The following LRRC66 variants were observed in gnomAD, a reference collection of about 807,000 sequenced individuals.
LRRC66 encodes leucine rich repeat containing 66.
Under a neutral mutation model 24.6 loss-of-function variants are expected in LRRC66, and 29 were observed. The ratio of observed to expected loss-of-function variants is 1.18; its 90% CI spans 0.88 to 1.61. The LOEUF (loss-of-function observed/expected upper bound fraction) is 1.61. Among genes scored for constraint, LRRC66 ranks in the 40% most tolerant of loss-of-function variants. The pLI is 0.00. For synonymous variants in LRRC66, 411 were observed against 397.6 expected, an observed-to-expected ratio of 1.03 and a Z score of -0.40; for missense variants, 1,124 against 1,058.0, an observed-to-expected ratio of 1.06 and a Z score of -0.87.
chr4:52,008,403 G>A (rs973001202), intron 2 of LRRC66, among the ~76,000 whole-genome samples: 19 of 151,778 alleles, frequency 1.3e-4, no homozygotes, highest in African/African-American at 4.6e-4. Context: ...CATCCATGGA[G>A]TTAAGGCACA....
At chr4:52,014,994 T>C (rs1261949457) in intron 2 of LRRC66, among the ~76,000 whole-genome samples, 1 of 152,212 alleles carries the variant, frequency 6.6e-6, no homozygotes, top group Non-Finnish European at 1.5e-5. Context: ...TGGATCTGTA[T>C]CTGCATTTAT....
At chr4:52,019,153 G>A (rs1736887417) in intron 1 of LRRC66, among the ~76,000 whole-genome samples, 1 of 152,178 alleles carries the variant, frequency 6.6e-6, no homozygotes, top group African/African-American at 2.4e-5. Context: ...GGGATTACAG[G>A]CGTGAGCCAC....
chr4:52,010,838 AGG>A (rs1736685115), intron 2 of LRRC66, among the ~76,000 whole-genome samples: 3 of 152,304 alleles, frequency 2.0e-5, no homozygotes, highest in Non-Finnish European at 4.4e-5. Flanking sequence ...TGGGCTTGCT[AGG>A]TCGAATTGTA....
chr4:52,012,245 T>C (rs1429544749), intron 2 of LRRC66, among the ~76,000 whole-genome samples: 4 of 151,604 alleles, frequency 2.6e-5, no homozygotes, highest in Non-Finnish European at 5.9e-5. Context: ...TACCCAAGCA[T>C]GTGGGGAGAG....
At chr4:52,004,148 G>A (rs1391003219) in intron 2 of LRRC66, among the ~76,000 whole-genome samples, 3 of 152,006 alleles carry the variant, frequency 2.0e-5, no homozygotes, top group South Asian at 2.1e-4. Flanking sequence ...GATTACAGGC[G>A]CCTGCCACCA....
chr4:51,997,546 A>C (rs1431380616), intron 4 of LRRC66, among the ~76,000 whole-genome samples: 9 of 152,244 alleles, frequency 5.9e-5, no homozygotes, highest in Non-Finnish European at 1.0e-4. Flanking sequence ...TTCTTTGACC[A>C]CATGAAGAAA....
chr4:52,015,592 C>T (rs752694122), intron 2 of LRRC66, among the ~76,000 whole-genome samples: 21 of 152,136 alleles, frequency 1.4e-4, no homozygotes, highest in Non-Finnish European at 2.6e-4. Flanking sequence ...GGCTCAGAAT[C>T]GGAAATTATG....
At chr4:52,014,986 G>A (rs186816329) in intron 2 of LRRC66, among the ~76,000 whole-genome samples, 1 of 152,254 alleles carries the variant, frequency 6.6e-6, no homozygotes, top group African/African-American at 2.4e-5. Context: ...AAAGAAGATG[G>A]ATCTGTATCT....
At chr4:52,013,724 C>T (rs1384740370) in intron 2 of LRRC66, among the ~76,000 whole-genome samples, 1 of 152,158 alleles carries the variant, frequency 6.6e-6, no homozygotes, top group Non-Finnish European at 1.5e-5. Context: ...TGATATCTCA[C>T]CCTTACACAA....
Position 52,003,341 on chromosome 4 carries a change from A to G in LRRC66, c.548T>C (p.Ile183Thr). Residue 183 changes from isoleucine to threonine, a missense_variant, in exon 3 of 5, where the codon ATA becomes ACA. Physicochemically the swap from Ile to Thr is moderately conservative, Grantham distance 89 (BLOSUM62 -1). Coordinates refer to ENST00000682860, the MANE Select transcript of LRRC66 (RefSeq NM_001024611.3). ...LQSLDLSFNG[I>T]LQIGWSDFHN... ...AAAATCAGACCACCCTATTTGCAAT[A>G]TCCCATTGAATGACAGATCCAAACT... 1 of 1,613,976 alleles carries G rather than the reference A, an allele frequency of 6.2e-7. No homozygotes were observed. Among genetic ancestry groups the G allele is most frequent in the Non-Finnish European group, 8.5e-7 (1 of 1,179,920 alleles).
intron 3 of LRRC66, among the ~76,000 whole-genome samples, chr4:52,000,989 T>A (rs1401515009): frequency 6.6e-6 from 1 of 152,248 alleles, no homozygotes; most frequent in African/African-American, 2.4e-5. Context: ...TCTATGTCCA[T>A]CACCCATGTA....
At chr4:52,006,310 A>C (rs559387263) in intron 2 of LRRC66, among the ~76,000 whole-genome samples, 30 of 152,178 alleles carry the variant, frequency 2.0e-4, no homozygotes, top group Non-Finnish European at 4.0e-4. Context: ...CCAAATGTCC[A>C]ACAATGATAG....
chr4:51,995,361 C>T lies in LRRC66; in HGVS notation c.1661G>A (p.Gly554Asp), dbSNP rs1419524252. 2.5e-6 allele frequency: 4 copies of T among 1,614,046 alleles called. No individual in the cohort carries two copies. Among genetic ancestry groups the T allele is most frequent in the Middle Eastern group, 1.6e-4 (1 of 6,084 alleles). ...QEEPLSAHSVGVSSVAGTSHA... is the reference protein window; with the variant it reads ...QEEPLSAHSVDVSSVAGTSHA... ...AGACGTGCCAGCTACAGAAGAGACG[C>T]CCACTGAATGTGCACTGAGAGGCTC... Residue 554 changes from glycine to aspartate, a missense_variant, in exon 5 of 5, where the codon GGC becomes GAC. Physicochemically the swap from Gly to Asp is moderately conservative, Grantham distance 94. Coordinates refer to ENST00000682860, the MANE Select transcript of LRRC66 (RefSeq NM_001024611.3).
intron 4 of LRRC66, among the ~76,000 whole-genome samples, chr4:51,996,970 G>A (rs567815443): frequency 1.3e-5 from 2 of 152,354 alleles, no homozygotes; most frequent in East Asian, 1.9e-4. Context: ...TGAAACAAAT[G>A]TAGCTGATGA....
chr4:51,997,466 C>T (rs1023116624), intron 4 of LRRC66, among the ~76,000 whole-genome samples: 1 of 152,134 alleles, frequency 6.6e-6, no homozygotes, highest in African/African-American at 2.4e-5. Flanking sequence ...TGTGTCAGAA[C>T]AAAACTCACT....
At chr4:52,018,730 G>T in intron 1 of LRRC66, 1 of 408,460 alleles carries the variant, frequency 2.4e-6, no homozygotes, top group Non-Finnish European at 3.3e-6. Flanking sequence ...TTCAAAGCCT[G>T]TGTTATCTAG....
Position 52,017,253 on chromosome 4 carries a change from T to C in LRRC66, c.361A>G (p.Ile121Val), listed in dbSNP as rs1736835524. Residue 121 changes from isoleucine to valine, a missense_variant, in exon 2 of 5, where the codon ATC (isoleucine) becomes GTC (valine). Ile to Val is a conservative substitution (Grantham distance 29). Coordinates refer to ENST00000682860, the MANE Select transcript of LRRC66 (RefSeq NM_001024611.3). The stretch of plus-strand genomic sequence containing the variant: ...AGTAGATCCAATGAGAGGGAGTGGA[T>C]GGCATTGTTGCTGAGGTTTAACACT... ...LEVLNLSNNAIHSLSLDLLSP... is the reference protein window; with the variant it reads ...LEVLNLSNNAVHSLSLDLLSP... The C allele has an allele frequency of 6.2e-7, 1 of 1,614,178 alleles. No homozygotes were observed. The highest frequency in any genetic ancestry group is 8.5e-7 in the Non-Finnish European group (1 of 1,180,016).
At chr4:52,017,799 A>G (rs1736855433) in intron 1 of LRRC66, 181 bp from the exon 2 acceptor site, 2 of 985,344 alleles carry the variant, frequency 2.0e-6, no homozygotes, top group African/African-American at 3.5e-5. Flanking sequence ...TGAAATAGCC[A>G]TAGTATAAAA....
In LRRC66 at chr4:51,996,045, C is replaced by T. The variant is rs371358825; in HGVS notation, c.977G>A (p.Gly326Glu). 1 of 1,614,038 alleles carries T rather than the reference C, an allele frequency of 6.2e-7. No homozygotes were observed. The highest frequency in any genetic ancestry group is 1.3e-5 in the African/African-American group (1 of 75,002). ...LIRSKAERPQ[G>E]GRHTGISTLG... is the part of the protein sequence containing the mutation. ...AGTAGAAATGCCCGTGTGCCTTCCT[C>T]CCTGGGGCCTCTCTGCTTTGCTCCT... Residue 326 changes from glycine (G) to glutamate (E), a missense_variant, in exon 5 of 5, where the codon GGA (glycine) becomes GAA (glutamate). Physicochemically the swap from Gly to Glu is moderately conservative, Grantham distance 98. Coordinates refer to ENST00000682860, the MANE Select transcript of LRRC66 (RefSeq NM_001024611.3).
Sources: gnomAD v4.1 joint callset for allele counts (sites outside exome capture counted in the v4.1 genomes callset) on GRCh38, gnomAD v4.1.1 for gene constraint, MANE v1.5 for transcripts, NCBI Gene and HGNC (gene_info 2026-07-23, HGNC 2026-07-21) for gene names.